The following RMND5A variants were observed in gnomAD, a reference collection of about 807,000 sequenced individuals.
The protein encoded by RMND5A is required for meiotic nuclear division 5 homolog A.
Under a neutral mutation model 49.7 loss-of-function variants are expected in RMND5A, and 17 were observed. The observed-to-expected ratio is 0.34, with a 90% CI of 0.23 to 0.51. The LOEUF is 0.51. Ranked by LOEUF, RMND5A falls within the 20% of genes least tolerant of loss-of-function variation. RMND5A has a pLI of 0.96. For missense variants in RMND5A, 255 were observed against 471.3 expected (o/e 0.54, Z 4.25); for synonymous variants, 156 against 167.7 (o/e 0.93, Z 0.54).
intron 2 of RMND5A, chr2:86,748,231 TATAAC>T (rs1681572154): frequency 6.6e-6 from 1 of 152,228 alleles, no homozygotes; most frequent in Non-Finnish European, 1.5e-5. Flanking sequence ...AACCTGCAGT[TATAAC>T]AAAAGGAGTT....
At chr2:86,742,307 C>T (rs1318282818) in intron 2 of RMND5A, among the ~76,000 whole-genome samples, 1 of 151,912 alleles carries the variant, frequency 6.6e-6, no homozygotes, top group African/African-American at 2.4e-5. Context: ...TCTGGGAAGG[C>T]AGACTCTGGG....
intron 4 of RMND5A, among the ~76,000 whole-genome samples, chr2:86,761,979 A>G (rs1050092026): frequency 7.9e-5 from 12 of 152,246 alleles, no homozygotes; most frequent in Admixed American, 7.9e-4. Flanking sequence ...GCTTAAATTG[A>G]TAATTCATAA....
At chr2:86,720,929 G>A in intron 1 of RMND5A, 120 bp downstream of exon 1, 1 of 892,734 alleles carries the variant, frequency 1.1e-6, no homozygotes, top group Admixed American at 3.4e-5. Context: ...CCTCCCCTGA[G>A]GCGCGGAGGC....
rs545596260 is a variant in RMND5A at position 86,728,491 on chromosome 2, A to G, written c.142+7682A>G. Among the ~76,000 whole-genome samples, 395 of 76,572 alleles carry G rather than the reference A, an allele frequency of 5.2e-3. 98 individuals carry two copies. The highest frequency in any genetic ancestry group is 0.018 in the African/African-American group (370 of 20,218). The allele number at this position is 76,572 out of a possible 152,430, so 50.2% of individuals were successfully genotyped here. ...GCTAATTTTTGTATTTTTAGTAGTG[A>G]CGGAGTTTCACTATGTTGGCTAGGC... On this transcript the variant is annotated intron_variant, in intron 1 of 8. Coordinates refer to ENST00000283632, the MANE Select transcript of RMND5A (RefSeq NM_022780.4).
intron 2 of RMND5A, among the ~76,000 whole-genome samples, chr2:86,750,039 T>A (rs1573436219): frequency 6.6e-6 from 1 of 152,214 alleles, no homozygotes; most frequent in South Asian, 2.1e-4. Context: ...ATTTAAGCAG[T>A]GGTTGACTAG....
At position 86,761,441 on chromosome 2, in the gene RMND5A, C is replaced by T. The variant is rs533215016; in HGVS notation, c.522-3586C>T. ...AAATACAAATGTGGGTTTCTGGGTA[C>T]AATCCTGGAGGTATAAGAGAGAGGT... On this transcript the variant is annotated intron_variant, in intron 4 of 8. Transcript: ENST00000283632. Among the ~76,000 whole-genome samples, 13 of 152,228 alleles carry T rather than the reference C, an allele frequency of 8.5e-5. No homozygotes were observed. The South Asian group carries it at 2.3e-3, about 27-fold the overall frequency.
At chr2:86,754,817 T>C (rs549349807) in intron 4 of RMND5A, among the ~76,000 whole-genome samples, 7 of 152,280 alleles carry the variant, frequency 4.6e-5, no homozygotes, top group African/African-American at 1.7e-4. Context: ...CACCTCGGCT[T>C]CCCAAAGTGC....
chr2:86,751,569 T>A (rs1263027947), intron 2 of RMND5A, among the ~76,000 whole-genome samples: 2 of 152,240 alleles, frequency 1.3e-5, no homozygotes, highest in Non-Finnish European at 2.9e-5. Context: ...GCAGTGGGCA[T>A]GCTTTTACAG....
intron 6 of RMND5A, among the ~76,000 whole-genome samples, chr2:86,768,672 A>G (rs771964926): frequency 1.7e-4 from 26 of 152,168 alleles, no homozygotes; most frequent in Non-Finnish European, 3.1e-4. Context: ...ACATGGAGCA[A>G]TTGCTGGATG....
intron 2 of RMND5A, chr2:86,748,427 T>C (rs1389737033): frequency 6.6e-6 from 1 of 152,212 alleles, no homozygotes; most frequent in African/African-American, 2.4e-5. Context: ...AATGCATTGC[T>C]TATTCATGCT....
chr2:86,752,874 C>T (rs184774117), intron 3 of RMND5A, among the ~76,000 whole-genome samples: 17 of 152,296 alleles, frequency 1.1e-4, no homozygotes, highest in Admixed American at 3.3e-4. Flanking sequence ...AATGATAACT[C>T]GGTTTTTCTC....
Position 86,773,335 on chromosome 2 carries a change from T to C in RMND5A, c.1113-13T>C. On this transcript the variant is annotated splice_polypyrimidine_tract_variant and intron_variant, in intron 8 of 8. Coordinates refer to ENST00000283632, the MANE Select transcript of RMND5A (RefSeq NM_022780.4). ...CCTGCTCCTTCACTCAGTGTTTTCT[T>C]CTTTGTCTTTAGATTAAAATGTCCC... 6.4e-7 allele frequency: 1 copy of C among 1,566,784 alleles called. No individual in the cohort carries two copies. The highest frequency in any genetic ancestry group is 1.3e-5 in the African/African-American group (1 of 74,136).
intron 5 of RMND5A, chr2:86,765,595 T>C (rs1672576812): frequency 2.6e-6 from 1 of 390,808 alleles, no homozygotes; most frequent in Non-Finnish European, 4.6e-6. Flanking sequence ...TAATTGTTAC[T>C]TCTCTAGGTA....
At chr2:86,754,989 CTG>C (rs1681706130) in intron 4 of RMND5A, among the ~76,000 whole-genome samples, 1 of 152,118 alleles carries the variant, frequency 6.6e-6, no homozygotes, top group Admixed American at 6.5e-5. Context: ...AACTGTATCT[CTG>C]TGTAAGATGC....
intron 2 of RMND5A, 92 bp from the exon 3 acceptor site, chr2:86,751,804 G>T: frequency 8.2e-7 from 1 of 1,218,274 alleles, no homozygotes; most frequent in South Asian, 1.6e-5. Context: ...TTCTTATTGG[G>T]GTATCTCAGA....
chr2:86,747,057 A>G (rs1573434807), intron 2 of RMND5A, among the ~76,000 whole-genome samples: 1 of 152,352 alleles, frequency 6.6e-6, no homozygotes, highest in Non-Finnish European at 1.5e-5. Context: ...ATCATAGGAC[A>G]GGTGCCTCAT....
rs60618364 is a variant in RMND5A, at chr2:86,768,110, C to T, written c.855-1913C>T. Reference sequence around the variant, plus strand: ...GCATGGTATTTTATTTTTACATGAACTAATCGGCACCTTTTATGTTTCTCA... The same window carrying T: ...GCATGGTATTTTATTTTTACATGAATTAATCGGCACCTTTTATGTTTCTCA... On this transcript the variant is annotated intron_variant, in intron 6 of 8. Coordinates refer to ENST00000283632, the MANE Select transcript of RMND5A (RefSeq NM_022780.4). 2.0e-5 allele frequency among the ~76,000 whole-genome samples: 3 copies of T among 152,122 alleles called. No homozygotes were observed. In the East Asian group the frequency reaches 5.8e-4, roughly 29 times the overall value.
In RMND5A at chr2:86,753,334, C is replaced by G. The variant is rs1208973614; in HGVS notation, c.421-124C>G. On this transcript the variant is annotated intron_variant, in intron 3 of 8. Coordinates refer to ENST00000283632, the MANE Select transcript of RMND5A (RefSeq NM_022780.4). The stretch of plus-strand genomic sequence containing the variant: ...AATGTACTAGGGGGCAGTCATCAGT[C>G]TCTACTATAGGGAATTATCTTTAAT... 10 of 578,488 alleles carry G rather than the reference C, an allele frequency of 1.7e-5. No homozygotes were observed. The African/African-American group carries it at 1.9e-4, about 11-fold the overall frequency. 35.8% of individuals were successfully genotyped at this position (578,488 alleles called of 1,614,324 possible). A position where few individuals can be genotyped will look rare whatever the true frequency, so the allele number is the denominator to read the frequency against.
Position 86,761,857 on chromosome 2 carries a change from T to G in RMND5A, c.522-3170T>G, listed in dbSNP as rs756055192. Reference sequence around the variant, plus strand: ...TTTTTTCTTATTTCATAGCCTTGTTTATAGCAAAATTTGAAACTGTGCAAA... The same window carrying G: ...TTTTTTCTTATTTCATAGCCTTGTTGATAGCAAAATTTGAAACTGTGCAAA... On this transcript the variant is annotated intron_variant, in intron 4 of 8. Coordinates refer to ENST00000283632, the MANE Select transcript of RMND5A (RefSeq NM_022780.4). 7.2e-4 allele frequency among the ~76,000 whole-genome samples: 110 copies of G among 152,198 alleles called. 1 individual carries two copies. The highest frequency in any genetic ancestry group is 1.6e-4 in the Non-Finnish European group (11 of 68,034).
Sources: allele counts gnomAD v4.1 joint callset (sites outside exome capture counted in the v4.1 genomes callset), GRCh38; gene constraint gnomAD v4.1.1; transcripts MANE v1.5; gene names NCBI Gene and HGNC (gene_info 2026-07-23, HGNC 2026-07-21).